Variants in ERCC6 observed in about 807,000 individuals in gnomAD.
ERCC6 encodes ERCC excision repair 6, chromatin remodeling factor, also known as DNA excision repair protein ERCC-6.
In ERCC6, 116 loss-of-function variants were observed where a neutral mutation model predicts 158.7. That is an observed-to-expected ratio of 0.73 (90% confidence interval 0.63 to 0.85). The LOEUF is 0.85. ERCC6 is among the 40% of genes least tolerant of loss of function. The probability of loss-of-function intolerance (pLI) is 0.00; values close to 1 mark genes in which losing one functional copy is unlikely to be tolerated. For synonymous variants in ERCC6, 678 were observed against 659.3 expected (o/e 1.03, Z -0.43); for missense variants, 1,698 against 1,799.4 (o/e 0.94, Z 1.02).
intron 10 of ERCC6, 33 bp downstream of exon 10, chr10:49,482,654 A>G: frequency 6.2e-7 from 1 of 1,602,482 alleles, no homozygotes; most frequent in Non-Finnish European, 8.5e-7. Context: ...TAAATATTAA[A>G]ATGCCAAAAG....
chr10:49,512,710 G>A (rs1217149809), intron 5 of ERCC6, among the ~76,000 whole-genome samples: 1 of 152,204 alleles, frequency 6.6e-6, no homozygotes, highest in Non-Finnish European at 1.5e-5. Flanking sequence ...TGGGACCCAA[G>A]ACTAAATACG....
chr10:49,447,430 G>T, the ERCC6 span, among the ~76,000 whole-genome samples: 4 of 152,172 alleles, frequency 2.6e-5, no homozygotes, highest in Admixed American at 2.0e-4. Flanking sequence ...GCTCACGCCT[G>T]TAATCCCAGC....
rs1850520670 is a variant in ERCC6, at chr10:49,458,561, T to C, written c.*254A>G. ...CAAGGAGTAACTGTTAGGTACCTGA[T>C]TTACAATATAATTAGATTGCCAAAA... is the stretch of plus-strand genomic sequence containing the variant. On this transcript the variant is annotated 3_prime_UTR_variant, in exon 21 of 21. Transcript: ENST00000355832. 4.2e-6 allele frequency: 2 copies of C among 475,820 alleles called. No individual in the cohort carries two copies. The highest frequency in any genetic ancestry group is 2.0e-5 in the African/African-American group (1 of 51,244). The allele number at this position is 475,820 out of a possible 1,614,324, so 29.5% of individuals were successfully genotyped here.
At chr10:49,511,518 A>G (rs1372007285) in intron 5 of ERCC6, among the ~76,000 whole-genome samples, 1 of 151,698 alleles carries the variant, frequency 6.6e-6, no homozygotes, top group African/African-American at 2.4e-5. Context: ...TCCACTTTCC[A>G]GATTCAAGCA....
chr10:49,488,712 T>C (rs1355738691), intron 8 of ERCC6, among the ~76,000 whole-genome samples: 1 of 151,826 alleles, frequency 6.6e-6, no homozygotes, highest in Non-Finnish European at 1.5e-5. Context: ...TTTGCTCTAG[T>C]GTTTCAGAAA....
chr10:49,462,829 C>T (rs915696695), intron 18 of ERCC6, among the ~76,000 whole-genome samples: 3 of 152,234 alleles, frequency 2.0e-5, no homozygotes, highest in Non-Finnish European at 2.9e-5. Flanking sequence ...ACACTCTTGA[C>T]AAGCCTCTGG....
Position 49,530,717 on chromosome 10 carries a change from C to T in ERCC6, c.543+3G>A. ...TGCAATACTGAATGTTATTCTGAAT[C>T]ACCTTATTATACTTCTGTCGTTTTA... On this transcript the variant is annotated splice_donor_region_variant and intron_variant, in intron 3 of 20. Transcript: ENST00000355832. 6.2e-7 allele frequency: 1 copy of T among 1,612,776 alleles called. No individual in the cohort carries two copies. The highest frequency in any genetic ancestry group is 8.5e-7 in the Non-Finnish European group (1 of 1,179,594).
At chr10:49,535,411 T>C (rs1837573301) in intron 1 of ERCC6, among the ~76,000 whole-genome samples, 1 of 152,116 alleles carries the variant, frequency 6.6e-6, no homozygotes, top group Admixed American at 6.5e-5. Flanking sequence ...GAGGCTAACA[T>C]TGGAAAGGTT....
chr10:49,474,346 C>T, intron 12 of ERCC6, 104 bp from the exon 13 acceptor site: 1 of 832,804 alleles, frequency 1.2e-6, no homozygotes. Context: ...AAAAACAGTT[C>T]TCCACCAGCT....
At chr10:49,505,855 A>G (rs760722500) in intron 6 of ERCC6, 29 bp downstream of exon 6, 1 of 1,612,270 alleles carries the variant, frequency 6.2e-7, no homozygotes, top group Non-Finnish European at 8.5e-7. Context: ...TTGATAGCAA[A>G]TAGAAAGGAA....
chr10:49,491,843 G>C (rs1219237859), intron 8 of ERCC6, among the ~76,000 whole-genome samples: 1 of 152,120 alleles, frequency 6.6e-6, no homozygotes. Context: ...AACACTAAGA[G>C]ATGTTAACAG....
chr10:49,533,948 A>G (rs1837531720), intron 1 of ERCC6, among the ~76,000 whole-genome samples: 1 of 152,002 alleles, frequency 6.6e-6, no homozygotes, highest in East Asian at 1.9e-4. Context: ...AGCCTGGCAA[A>G]CATGGTGAAA....
the ERCC6 span, among the ~76,000 whole-genome samples, chr10:49,448,876 C>T: frequency 3.9e-5 from 6 of 152,132 alleles, no homozygotes; most frequent in African/African-American, 1.4e-4. Flanking sequence ...AAAATCCATT[C>T]ACCTATTGAT....
intron 2 of ERCC6, among the ~76,000 whole-genome samples, chr10:49,531,194 GTTT>G (rs994181752): frequency 5.9e-5 from 9 of 152,096 alleles, no homozygotes; most frequent in African/African-American, 1.9e-4. Flanking sequence ...GCATACATGG[GTTT>G]TTTAAGCCCG....
intron 5 of ERCC6, among the ~76,000 whole-genome samples, chr10:49,518,617 C>T (rs529196262): frequency 2.0e-5 from 3 of 152,118 alleles, no homozygotes; most frequent in South Asian, 2.1e-4. Flanking sequence ...AAGGCTGCAA[C>T]GTTCCAAATC....
At position 49,455,181 on chromosome 10, in the gene ERCC6, A is replaced by G. The variant is rs1850465547; in HGVS notation, c.*3634T>C. Among the ~76,000 whole-genome samples, 1 of 152,182 alleles carries G rather than the reference A, an allele frequency of 6.6e-6. No individual in the cohort carries two copies. The highest frequency in any genetic ancestry group is 2.4e-5 in the African/African-American group (1 of 41,444). On this transcript the variant is annotated 3_prime_UTR_variant, in exon 21 of 21. Transcript: ENST00000355832. ...ACAACCAAAACTAAAAATCTATAAA[A>G]CACCTAGGAATAAGCCTATTATGAA...
At chr10:49,450,402 T>C (rs145552917), downstream of ERCC6, among the ~76,000 whole-genome samples, 734 of 152,340 alleles carry the variant, frequency 4.8e-3, 38 homozygotes, top group East Asian at 0.11. Context: ...ACTTCTTAAT[T>C]ACTATTGTTT....
intron 5 of ERCC6, among the ~76,000 whole-genome samples, chr10:49,508,425 A>G (rs577223895): frequency 1.1e-3 from 172 of 152,184 alleles, no homozygotes; most frequent in African/African-American, 4.0e-3. Context: ...ATATACAGGC[A>G]TCTTGTCGCC....
intron 5 of ERCC6, among the ~76,000 whole-genome samples, chr10:49,517,639 T>TC (rs1205350617): frequency 6.6e-6 from 1 of 151,902 alleles, no homozygotes; most frequent in East Asian, 1.9e-4. Context: ...TTTTTTTTTT[T>TC]CTCTCAGGCT....
Sources: gnomAD v4.1 joint callset for allele counts (sites outside exome capture counted in the v4.1 genomes callset) on GRCh38, gnomAD v4.1.1 for gene constraint, MANE v1.5 for transcripts, NCBI Gene and HGNC (gene_info 2026-07-23, HGNC 2026-07-21) for gene names.